PLS3: variants seen among roughly 807,000 people sequenced by gnomAD.
PLS3 encodes the protein plastin-3.
PLS3 carries 11 observed loss-of-function variants against 46.5 expected under a neutral mutation model. The observed-to-expected ratio is 0.24, with a 90% CI of 0.15 to 0.39. The LOEUF (loss-of-function observed/expected upper bound fraction) is 0.39, where lower values mean the gene tolerates loss of function less well. Ranked by LOEUF, PLS3 falls within the 10% of genes least tolerant of loss-of-function variation. The pLI is 1.00. For missense variants in PLS3, 308 were observed against 461.8 expected (o/e 0.67, Z 3.05); for synonymous variants, 167 against 162.2 (o/e 1.03, Z -0.22).
intron 2 of PLS3, among the ~76,000 whole-genome samples, chrX:115,621,361 C>G (rs1165630198): frequency 1.8e-5 from 2 of 112,290 alleles, no homozygotes; most frequent in Non-Finnish European, 3.7e-5. Flanking sequence ...AGTCATTTCT[C>G]TGTTCAGGTT....
At chrX:115,598,344 T>C (rs1197797937) in intron 1 of PLS3, among the ~76,000 whole-genome samples, 1 of 109,069 alleles carries the variant, frequency 9.2e-6, no homozygotes, top group Non-Finnish European at 1.9e-5. Flanking sequence ...ATAATGCTGA[T>C]GTGCTAGAAT....
At chrX:115,646,618 A>G in intron 13 of PLS3, 83 bp downstream of exon 13, 2 of 846,938 alleles carry the variant, frequency 2.4e-6, no homozygotes, top group Middle Eastern at 2.9e-4. Flanking sequence ...ATAAGTGGAT[A>G]TGTCGATAAC....
intron 1 of PLS3, among the ~76,000 whole-genome samples, chrX:115,605,438 T>A (rs1043878365): frequency 8.9e-6 from 1 of 111,932 alleles, no homozygotes; most frequent in Admixed American, 9.5e-5. Context: ...GATCTAAGCA[T>A]TTCTTAATTC....
chrX:115,634,169 C>G lies in PLS3; in HGVS notation c.582+88C>G, dbSNP rs376690611. 1.8e-4 allele frequency: 90 copies of G among 508,183 alleles called. No individual in the cohort carries two copies. The South Asian group carries it at 2.9e-3, about 16-fold the overall frequency. The allele number at this position is 508,183 out of a possible 1,213,427, so 41.9% of individuals were successfully genotyped here. A position where few individuals can be genotyped will look rare whatever the true frequency, so the allele number is the denominator to read the frequency against. On this transcript the variant is annotated intron_variant, in intron 6 of 15. Transcript: ENST00000355899. ...TTCAGCCTCTGCACTCTGTAGGCTC[C>G]CAATCAATCCTTGTAAAAACTGTTG... is the stretch of plus-strand genomic sequence containing the variant.
intron 7 of PLS3, 30 bp from the exon 8 acceptor site, chrX:115,636,805 TA>T: frequency 8.6e-7 from 1 of 1,168,346 alleles, no homozygotes; most frequent in African/African-American, 1.8e-5. Context: ...TGTCATATAA[TA>T]ACTGTGGGAT....
In PLS3 at chrX:115,620,892, C is replaced by T. The variant is rs193126515; in HGVS notation, c.74-1354C>T. Among the ~76,000 whole-genome samples, 673 of 108,633 alleles carry T rather than the reference C, an allele frequency of 6.2e-3. 5 individuals are homozygous for T. Among genetic ancestry groups the T allele is most frequent in the African/African-American group, 0.022 (644 of 29,938 alleles). 94.3% of individuals were successfully genotyped at this position (108,633 alleles called of 115,157 possible). ...TATTTTTAGTGAAGACGGGGTTTTG[C>T]CATATGGGCCAGGCTGATCTCGAAC... On this transcript the variant is annotated intron_variant, in intron 2 of 15. Transcript: ENST00000355899.
intron 7 of PLS3, among the ~76,000 whole-genome samples, chrX:115,636,007 C>T (rs1268737714): frequency 9.1e-6 from 1 of 109,531 alleles, no homozygotes; most frequent in African/African-American, 3.3e-5. Context: ...GTCAATAGTG[C>T]GAGACTCTCT....
chrX:115,587,790 T>C (rs782023162), intron 1 of PLS3, among the ~76,000 whole-genome samples: 5 of 111,444 alleles, frequency 4.5e-5, no homozygotes, highest in African/African-American at 1.3e-4. Context: ...ATTAACTGAT[T>C]ATTCAGACCC....
intron 1 of PLS3, among the ~76,000 whole-genome samples, chrX:115,608,404 A>G (rs1008500606): frequency 8.9e-6 from 1 of 112,221 alleles, no homozygotes; most frequent in African/African-American, 3.2e-5. Flanking sequence ...AGGGCAGTGG[A>G]ACTACTCTAT....
At chrX:115,635,629 C>T (rs1206449020) in intron 7 of PLS3, among the ~76,000 whole-genome samples, 12 of 74,140 alleles carry the variant, frequency 1.6e-4, no homozygotes, top group African/African-American at 6.6e-4. Flanking sequence ...CCAGCCTGGG[C>T]GAAAGAGTGA....
intron 10 of PLS3, among the ~76,000 whole-genome samples, chrX:115,644,312 T>A (rs2074928712): frequency 9.1e-6 from 1 of 110,268 alleles, no homozygotes; most frequent in East Asian, 2.9e-4. Context: ...AATTAAGAAA[T>A]GCAGCCAGGC....
intron 1 of PLS3, among the ~76,000 whole-genome samples, chrX:115,609,254 T>C (rs1416887617): frequency 9.0e-6 from 1 of 111,172 alleles, no homozygotes; most frequent in Admixed American, 9.7e-5. Flanking sequence ...ACCTCCTCTC[T>C]TTATTGCCAG....
At chrX:115,592,398 C>T (rs5987936) in intron 1 of PLS3, among the ~76,000 whole-genome samples, 1 of 111,177 alleles carries the variant, frequency 9.0e-6, no homozygotes, top group Admixed American at 9.6e-5. Context: ...GATATGAACC[C>T]AGGGCTCAGA....
intron 2 of PLS3, among the ~76,000 whole-genome samples, chrX:115,616,617 T>A (rs1323372703): frequency 1.4e-4 from 16 of 111,933 alleles, no homozygotes; most frequent in African/African-American, 4.9e-4. Flanking sequence ...CCAAACCACG[T>A]TAGATCTTTG....
At chrX:115,574,162 C>T (rs1294413342) in intron 1 of PLS3, among the ~76,000 whole-genome samples, 2 of 111,840 alleles carry the variant, frequency 1.8e-5, no homozygotes, top group Non-Finnish European at 3.8e-5. Context: ...TGGGAAAGAG[C>T]TGTACTTTTA....
intron 1 of PLS3, among the ~76,000 whole-genome samples, chrX:115,595,491 A>AG (rs1399847298): frequency 1.8e-5 from 2 of 110,240 alleles, no homozygotes; most frequent in African/African-American, 6.6e-5. Flanking sequence ...GAGACAGGGA[A>AG]GGAGGGAGGG....
chrX:115,566,553 T>TA (rs2074174500), intron 1 of PLS3, among the ~76,000 whole-genome samples: 1 of 110,695 alleles, frequency 9.0e-6, no homozygotes, highest in Non-Finnish European at 1.9e-5. Context: ...TGTGCCCAGC[T>TA]AGTTTTTTTG....
At position 115,629,478 on chromosome X, in the gene PLS3, T is replaced by G. The variant is rs188276012; in HGVS notation, c.367+151T>G. The G allele has an allele frequency of 1.1e-3, 561 of 488,308 alleles. 5 individuals carry two copies. Among genetic ancestry groups the G allele is most frequent in the African/African-American group, 0.011 (474 of 41,419 alleles). The allele number at this position is 488,308 out of a possible 1,213,427, so 40.2% of individuals were successfully genotyped here. A position where few individuals can be genotyped will look rare whatever the true frequency, so the allele number is the denominator to read the frequency against. Reference sequence around the variant, plus strand: ...TGTATTTAGGCTTGAGACTAATACTTGTCATAAAGGCATTATAAGTGTTTA... The same window carrying G: ...TGTATTTAGGCTTGAGACTAATACTGGTCATAAAGGCATTATAAGTGTTTA... On this transcript the variant is annotated intron_variant, in intron 4 of 15. Transcript: ENST00000355899.
At chrX:115,604,147 CCTT>C (rs1470112425) in intron 1 of PLS3, among the ~76,000 whole-genome samples, 4 of 111,826 alleles carry the variant, frequency 3.6e-5, no homozygotes, top group African/African-American at 1.3e-4. Flanking sequence ...TTAGGCCCAT[CCTT>C]CTTAAATTAC....
Sources: gnomAD v4.1 joint callset for allele counts (sites outside exome capture counted in the v4.1 genomes callset) on GRCh38, gnomAD v4.1.1 for gene constraint, MANE v1.5 for transcripts, NCBI Gene and HGNC (gene_info 2026-07-23, HGNC 2026-07-21) for gene names.